The following ABAT variants were observed in gnomAD, a reference collection of about 807,000 sequenced individuals.
The protein encoded by ABAT is 4-aminobutyrate aminotransferase, also known as 4-aminobutyrate aminotransferase, mitochondrial.
A neutral mutation model predicts 64.6 loss-of-function variants in ABAT; 45 were observed. The observed-to-expected ratio is 0.70, with a 90% CI of 0.55 to 0.89. ABAT has a LOEUF of 0.89. Ranked by LOEUF, ABAT falls within the 40% of genes least tolerant of loss-of-function variation. The probability of loss-of-function intolerance (pLI) is 0.00; values close to 1 mark genes in which losing one functional copy is unlikely to be tolerated. For missense variants in ABAT, 633 were observed against 658.4 expected, an observed-to-expected ratio of 0.96 and a Z score of 0.42; for synonymous variants, 297 against 250.5, an observed-to-expected ratio of 1.19 and a Z score of -1.75.
chr16:8,694,319 G>A (rs535698673), intron 1 of ABAT, among the ~76,000 whole-genome samples: 33 of 151,828 alleles, frequency 2.2e-4, no homozygotes, highest in African/African-American at 7.5e-4. Flanking sequence ...CACCGCGCCC[G>A]GCCCACTCCA....
intron 14 of ABAT, among the ~76,000 whole-genome samples, chr16:8,778,227 C>T (rs77245798): frequency 0.059 from 9,052 of 152,256 alleles, 332 homozygotes; most frequent in Middle Eastern, 0.13. Context: ...TCACCACAAA[C>T]TGTGTGGGTT....
intron 1 of ABAT, among the ~76,000 whole-genome samples, chr16:8,710,727 A>AGAGGGAGAGGGGGG (rs1555485684): frequency 9.6e-6 from 1 of 103,700 alleles, no homozygotes; most frequent in Non-Finnish European, 2.1e-5. Context: ...AGAGAGAGAG[A>AGAGGGAGAGGGGGG]GAGGAAATAG....
At chr16:8,675,621 G>C (rs1441495053) in intron 1 of ABAT, among the ~76,000 whole-genome samples, 1 of 152,138 alleles carries the variant, frequency 6.6e-6, no homozygotes, top group African/African-American at 2.4e-5. Flanking sequence ...GGTAAGACTA[G>C]AGGGGGTTCA....
chr16:8,734,641 G>C (rs1418261352), intron 1 of ABAT, among the ~76,000 whole-genome samples: 1 of 152,182 alleles, frequency 6.6e-6, no homozygotes, highest in Non-Finnish European at 1.5e-5. Context: ...CACACAGAAA[G>C]GACTCGGGAA....
Position 8,750,440 on chromosome 16 carries a change from T to G in ABAT, c.217T>G (p.Phe73Val). ...NIIQNAEAVH[F>V]FCNYEESRGN... Reference sequence around the variant, plus strand: ...CTCCAAGAATGCAGAGGCTGTGCATTTTTTCTGCAATTACGAAGAGAGCCG... The same window carrying G: ...CTCCAAGAATGCAGAGGCTGTGCATGTTTTCTGCAATTACGAAGAGAGCCG... Residue 73 changes from phenylalanine (F) to valine (V), a missense_variant, in exon 5 of 16, where the codon TTT (phenylalanine) becomes GTT (valine). Coordinates refer to ENST00000268251, the MANE Select transcript of ABAT (RefSeq NM_020686.6). The G allele has an allele frequency of 6.2e-7, 1 of 1,614,144 alleles. No individual in the cohort carries two copies. The highest frequency in any genetic ancestry group is 8.5e-7 in the Non-Finnish European group (1 of 1,180,020).
intron 13 of ABAT, among the ~76,000 whole-genome samples, chr16:8,775,802 G>C (rs1027089238): frequency 9.9e-5 from 15 of 152,250 alleles, no homozygotes; most frequent in African/African-American, 3.6e-4. Flanking sequence ...ACTTGACTAA[G>C]ACCCAGTCAC....
intron 1 of ABAT, among the ~76,000 whole-genome samples, chr16:8,717,238 C>T (rs1006041555): frequency 6.6e-6 from 1 of 152,030 alleles, no homozygotes; most frequent in Non-Finnish European, 1.5e-5. Context: ...TGCAGTGAGC[C>T]GAGATTGTGC....
chr16:8,727,254 A>C (rs987758686), intron 1 of ABAT, among the ~76,000 whole-genome samples: 3 of 152,172 alleles, frequency 2.0e-5, no homozygotes, highest in African/African-American at 7.2e-5. Flanking sequence ...GGGCCCTATC[A>C]ATCAAGATCA....
chr16:8,766,896 C>A (rs975785367), intron 9 of ABAT, among the ~76,000 whole-genome samples: 3 of 150,222 alleles, frequency 2.0e-5, no homozygotes, highest in Non-Finnish European at 4.4e-5. Flanking sequence ...TTGAACCCGA[C>A]GGGCGCGGAG....
chr16:8,772,746 G>A, intron 11 of ABAT, 34 bp from the exon 12 acceptor site: 1 of 1,613,876 alleles, frequency 6.2e-7, no homozygotes, highest in Non-Finnish European at 8.5e-7. Flanking sequence ...ACAAGCCTCT[G>A]CCATCGGTGG....
chr16:8,773,310 C>T (rs2060176032), intron 12 of ABAT, among the ~76,000 whole-genome samples: 1 of 152,094 alleles, frequency 6.6e-6, no homozygotes, highest in African/African-American at 2.4e-5. Context: ...CGTCACCATA[C>T]CCAACTAATT....
chr16:8,781,201 GGAT>G lies in ABAT; in HGVS notation c.1382-106_1382-104del. ...CCATGATGGAGGATGATGGATGGATGGATGGATGGATGGATGAGCGTTGCCAAC... is the reference window on the plus strand; with the variant it reads ...CCATGATGGAGGATGATGGATGGATGGGATGGATGGATGAGCGTTGCCAAC... On this transcript the variant is annotated intron_variant, in intron 15 of 15. Transcript: ENST00000268251. This position sits in a 1 kb window ranked among gnomAD's most constrained non-coding sequence, Gnocchi z 4.5. 6.5e-7 allele frequency: 1 copy of G among 1,539,750 alleles called. No individual in the cohort carries two copies. The highest frequency in any genetic ancestry group is 1.4e-5 in the African/African-American group (1 of 73,498).
chr16:8,686,148 C>T (rs1325737437), intron 1 of ABAT, among the ~76,000 whole-genome samples: 3 of 152,262 alleles, frequency 2.0e-5, no homozygotes, highest in Non-Finnish European at 4.4e-5. Context: ...CAAAGCCTGC[C>T]TCCTCTCTCT....
chr16:8,777,146 T>C (rs56806665), intron 14 of ABAT, among the ~76,000 whole-genome samples: 2,197 of 151,046 alleles, frequency 0.015, 55 homozygotes, highest in African/African-American at 0.049. Flanking sequence ...GGTGATCCGC[T>C]TGCCTCAGCC....
chr16:8,674,837 C>T (rs1162000770), intron 1 of ABAT, 126 bp downstream of exon 1: 1 of 152,384 alleles, frequency 6.6e-6, no homozygotes, highest in East Asian at 1.9e-4. Context: ...CCTCATCTTC[C>T]CAAGACGCGG....
intron 5 of ABAT, among the ~76,000 whole-genome samples, chr16:8,750,988 G>A (rs907995411): frequency 2.9e-5 from 4 of 136,658 alleles, no homozygotes; most frequent in African/African-American, 8.4e-5. Flanking sequence ...TTGTTCTGTC[G>A]ACCAGGCGGG....
chr16:8,765,676 AAAAAAC>A (rs2059923309), intron 8 of ABAT: 1 of 152,620 alleles, frequency 6.6e-6, no homozygotes, highest in Admixed American at 6.5e-5. Context: ...AGACCCTGTA[AAAAAAC>A]AAAAACAGAA....
intron 2 of ABAT, among the ~76,000 whole-genome samples, chr16:8,745,235 G>A (rs2059295972): frequency 6.6e-6 from 1 of 152,074 alleles, no homozygotes; most frequent in Non-Finnish European, 1.5e-5. Context: ...ACCCACCTTC[G>A]ACTCCCAGAG....
intron 2 of ABAT, among the ~76,000 whole-genome samples, chr16:8,741,110 C>G (rs1279097909): frequency 6.6e-6 from 1 of 152,204 alleles, no homozygotes; most frequent in African/African-American, 2.4e-5. Context: ...GCTGTGAGCC[C>G]CAGAGGGCCA....
Sources: allele counts gnomAD v4.1 joint callset (sites outside exome capture counted in the v4.1 genomes callset), GRCh38; gene constraint gnomAD v4.1.1; non-coding constraint Gnocchi (gnomAD v3.1); transcripts MANE v1.5; gene names NCBI Gene and HGNC (gene_info 2026-07-23, HGNC 2026-07-21).